Variants in CCDC171 observed in about 807,000 individuals in gnomAD.
CCDC171 encodes the protein coiled-coil domain-containing protein 171.
In CCDC171, 177 loss-of-function variants were observed where a neutral mutation model predicts 168.2. The ratio of observed to expected loss-of-function variants is 1.05; its 90% CI spans 0.93 to 1.19. CCDC171 has a LOEUF of 1.19. Among genes scored for constraint, CCDC171 ranks in the 50% most tolerant of loss-of-function variants. CCDC171 has a pLI of 0.00. For synonymous variants in CCDC171, 687 were observed against 540.8 expected (o/e 1.27, Z -3.75); for missense variants, 1,991 against 1,539.0 (o/e 1.29, Z -4.91).
intron 18 of CCDC171, among the ~76,000 whole-genome samples, chr9:15,754,323 AT>A (rs1263733212): frequency 6.6e-6 from 1 of 152,120 alleles, no homozygotes; most frequent in African/African-American, 2.4e-5. Context: ...TGGGCACGTT[AT>A]TTAACTTTAC....
chr9:15,779,294 CT>C (rs2057526187), intron 20 of CCDC171, 144 bp downstream of exon 20: 2 of 487,562 alleles, frequency 4.1e-6, no homozygotes, highest in Admixed American at 8.7e-5. Flanking sequence ...CTTCAGAAAA[CT>C]TCCTGTCTAA....
chr9:16,097,619 A>C, the CCDC171 span, among the ~76,000 whole-genome samples: 1 of 152,200 alleles, frequency 6.6e-6, no homozygotes, highest in Non-Finnish European at 1.5e-5. Flanking sequence ...AAAAGGATGA[A>C]TCTTTACCTA....
At chr9:15,995,325 A>G (rs1035565788) in intron 3 of CCDC171, among the ~76,000 whole-genome samples, 4 of 152,236 alleles carry the variant, frequency 2.6e-5, no homozygotes, top group Non-Finnish European at 4.4e-5. Flanking sequence ...GTCTCCTTAC[A>G]GGGAGTGCCA....
At chr9:15,843,459 T>G (rs1320482783) in intron 21 of CCDC171, among the ~76,000 whole-genome samples, 5 of 152,092 alleles carry the variant, frequency 3.3e-5, no homozygotes, top group Admixed American at 6.6e-5. Flanking sequence ...CTTTGAATTT[T>G]TTTTTCTTGG....
intron 25 of CCDC171, among the ~76,000 whole-genome samples, chr9:15,926,906 G>T (rs1375735534): frequency 6.6e-6 from 1 of 151,538 alleles, no homozygotes; most frequent in Non-Finnish European, 1.5e-5. Context: ...TTATATCAGT[G>T]CTTTTACCAT....
exon 6 of CCDC171, chr9:16,022,775 C>G (rs1586838937): frequency 6.6e-6 from 1 of 152,280 alleles, no homozygotes; most frequent in Non-Finnish European, 1.5e-5. Flanking sequence ...AATGAGTGTT[C>G]TGCTCCCAAG....
chr9:16,039,706 G>C (rs912174160), upstream of CCDC171, among the ~76,000 whole-genome samples: 1 of 152,238 alleles, frequency 6.6e-6, no homozygotes, highest in African/African-American at 2.4e-5. Context: ...ACTTTAAAAA[G>C]ATGTGACCCA....
At chr9:16,015,163 A>C (rs1407464381) in intron 3 of CCDC171, among the ~76,000 whole-genome samples, 1 of 152,194 alleles carries the variant, frequency 6.6e-6, no homozygotes, top group Non-Finnish European at 1.5e-5. Flanking sequence ...CAGTGATTTT[A>C]GCTAGATCCT....
At chr9:15,773,890 C>T (rs568968878) in intron 18 of CCDC171, among the ~76,000 whole-genome samples, 6 of 152,126 alleles carry the variant, frequency 3.9e-5, no homozygotes, top group Non-Finnish European at 7.4e-5. Flanking sequence ...ACAATCTATA[C>T]ATCCGACAAA....
chr9:15,631,263 A>C (rs1003848963), intron 7 of CCDC171, among the ~76,000 whole-genome samples: 6 of 152,036 alleles, frequency 3.9e-5, no homozygotes, highest in South Asian at 4.2e-4. Context: ...AACAAAATTG[A>C]TAGACAGCTA....
intron 21 of CCDC171, among the ~76,000 whole-genome samples, chr9:15,787,778 A>G (rs1404669436): frequency 6.6e-6 from 1 of 152,206 alleles, no homozygotes; most frequent in African/African-American, 2.4e-5. Context: ...CTACCTGGCT[A>G]TTACTATTTA....
At chr9:15,987,950 G>A (rs1480393864) in intron 3 of CCDC171, among the ~76,000 whole-genome samples, 2 of 152,192 alleles carry the variant, frequency 1.3e-5, no homozygotes. Flanking sequence ...GGAAAAAAGG[G>A]TGTCACTATC....
At chr9:15,924,988 A>G (rs1026399679) in intron 25 of CCDC171, among the ~76,000 whole-genome samples, 1 of 151,512 alleles carries the variant, frequency 6.6e-6, no homozygotes, top group African/African-American at 2.4e-5. Flanking sequence ...TGTATTATTA[A>G]TTCTTTTCTT....
chr9:15,833,086 C>T (rs1330580143), intron 21 of CCDC171, among the ~76,000 whole-genome samples: 1 of 146,002 alleles, frequency 6.8e-6, no homozygotes, highest in Admixed American at 7.2e-5. Flanking sequence ...CTCTCTGGTT[C>T]AAGTGATTCT....
At chr9:15,623,890 A>C (rs1470023928) in intron 7 of CCDC171, among the ~76,000 whole-genome samples, 10 of 152,194 alleles carry the variant, frequency 6.6e-5, no homozygotes, top group East Asian at 1.9e-4. Context: ...CAGATGAAAA[A>C]CAGGATTTTT....
At chr9:15,555,392 G>A (rs2038704658) in intron 1 of CCDC171, among the ~76,000 whole-genome samples, 1 of 152,146 alleles carries the variant, frequency 6.6e-6, no homozygotes, top group Non-Finnish European at 1.5e-5. Flanking sequence ...GGTGCTATCT[G>A]GATTGAGAAT....
At chr9:15,748,924 C>G (rs1222619084) in intron 18 of CCDC171, among the ~76,000 whole-genome samples, 2 of 152,074 alleles carry the variant, frequency 1.3e-5, no homozygotes, top group African/African-American at 2.4e-5. Context: ...GGCAAAATAA[C>G]CAGCTAACAT....
chr9:15,581,961 C>G (rs888414706), intron 4 of CCDC171, among the ~76,000 whole-genome samples: 10 of 152,146 alleles, frequency 6.6e-5, no homozygotes, highest in Non-Finnish European at 1.2e-4. Context: ...AGCTTCTGCA[C>G]AGCAAAAGAA....
chr9:16,075,496 ACTT>A, the CCDC171 span, among the ~76,000 whole-genome samples: 9 of 152,088 alleles, frequency 5.9e-5, no homozygotes, highest in African/African-American at 1.9e-4. Flanking sequence ...CTAGTGGTTG[ACTT>A]CTTATGGTCC....
Sources: allele counts gnomAD v4.1 joint callset (sites outside exome capture counted in the v4.1 genomes callset), GRCh38; gene constraint gnomAD v4.1.1; transcripts MANE v1.5; gene names NCBI Gene and HGNC (gene_info 2026-07-23, HGNC 2026-07-21).